The following CLSTN1 variants were observed in gnomAD, a reference collection of about 807,000 sequenced individuals.
The protein encoded by CLSTN1 is calsyntenin-1.
Under a neutral mutation model 108.3 loss-of-function variants are expected in CLSTN1, and 28 were observed. The observed-to-expected ratio is 0.26, with a 90% CI of 0.19 to 0.35. CLSTN1 has a LOEUF of 0.35. Ranked by LOEUF, CLSTN1 falls within the 10% of genes least tolerant of loss-of-function variation. The pLI is 1.00. For missense variants in CLSTN1, 1,157 were observed against 1,302.6 expected (o/e 0.89, Z 1.72); for synonymous variants, 524 against 534.9 (o/e 0.98, Z 0.28).
intron 11 of CLSTN1, 47 bp from the exon 12 acceptor site, chr1:9,736,089 T>TC: frequency 6.2e-7 from 1 of 1,611,312 alleles, no homozygotes; most frequent in South Asian, 1.1e-5. Context: ...CAACCCAGCA[T>TC]CGCCCAACTC....
In CLSTN1 at chr1:9,743,996, C is replaced by T. The variant is rs550602731; in HGVS notation, c.1244G>A (p.Arg415Gln). 6 of 1,613,738 alleles carry T rather than the reference C, an allele frequency of 3.7e-6. No homozygotes were observed. The highest frequency in any genetic ancestry group is 2.2e-5 in the South Asian group (2 of 91,024). Residue 415 changes from arginine to glutamine, a missense_variant, in exon 9 of 19, where the codon CGG (arginine) becomes CAG (glutamine). Arg to Gln is a conservative substitution (Grantham distance 43). Transcript: ENST00000377298. ...LCSSDKTDMN[R>Q]HHYSLYVHGC... is the part of the protein sequence containing the mutation. ...GTGGACATAGAGGGAGTAGTGGTGC[C>T]GATTCATATCTGCAAAGGCAGTTTC...
At chr1:9,758,011 G>GGT in intron 2 of CLSTN1, among the ~76,000 whole-genome samples, 1 of 151,890 alleles carries the variant, frequency 6.6e-6, no homozygotes, top group East Asian at 2.0e-4. Context: ...TTTTGGGGGG[G>GGT]GGTGGGAACG....
At position 9,735,829 on chromosome 1, in the gene CLSTN1, C is replaced by T. The variant is rs1415338499; in HGVS notation, c.1734+56G>A. 76 of 1,599,382 alleles carry T rather than the reference C, an allele frequency of 4.8e-5. 1 individual carries two copies. The Middle Eastern group carries it at 5.0e-4, about 10-fold the overall frequency. ...CTCACTCCCTCATCCCACCAGCCTCCGGGGCTGTAGTCTAAGGGGCCCATG... is the reference window on the plus strand; with the variant it reads ...CTCACTCCCTCATCCCACCAGCCTCTGGGGCTGTAGTCTAAGGGGCCCATG... On this transcript the variant is annotated intron_variant, in intron 12 of 18. Transcript: ENST00000377298.
At chr1:9,780,896 T>C (rs1653212038) in intron 1 of CLSTN1, 5 of 337,144 alleles carry the variant, frequency 1.5e-5, no homozygotes, top group South Asian at 5.5e-5. Flanking sequence ...CGGGAGACCA[T>C]GGACAGGATG....
intron 1 of CLSTN1, among the ~76,000 whole-genome samples, chr1:9,800,779 C>CA (rs1214237395): frequency 5.5e-5 from 8 of 145,676 alleles, no homozygotes; most frequent in South Asian, 2.2e-4. Context: ...AAAAAAAATA[C>CA]AAAAAAAATT....
chr1:9,774,076 T>G (rs1652824199), intron 1 of CLSTN1, among the ~76,000 whole-genome samples: 1 of 152,068 alleles, frequency 6.6e-6, no homozygotes, highest in Non-Finnish European at 1.5e-5. Context: ...TTTTCTCTGT[T>G]GCCAAGGCTG....
At chr1:9,749,709 C>T (rs1651460409) in intron 6 of CLSTN1, 55 bp downstream of exon 6, 13 of 1,610,976 alleles carry the variant, frequency 8.1e-6, no homozygotes, top group African/African-American at 1.3e-5. Context: ...AGGTTGCTGC[C>T]GCATACATCA....
At chr1:9,818,943 C>T (rs141351235) in intron 1 of CLSTN1, among the ~76,000 whole-genome samples, 1,287 of 125,818 alleles carry the variant, frequency 0.01, 19 homozygotes, top group East Asian at 0.056. Context: ...CCTGCCACCA[C>T]GCCTGGCTAA....
At chr1:9,760,919 A>C (rs1174938810) in intron 2 of CLSTN1, among the ~76,000 whole-genome samples, 1 of 151,286 alleles carries the variant, frequency 6.6e-6, no homozygotes, top group African/African-American at 2.4e-5. Context: ...CCTCTCTCAA[A>C]CTCAAACAAC....
chr1:9,735,351 T>C, intron 13 of CLSTN1, 116 bp downstream of exon 13: 1 of 1,474,034 alleles, frequency 6.8e-7, no homozygotes, highest in South Asian at 1.2e-5. Context: ...CCCCACACTT[T>C]CTGGTTACAC....
chr1:9,764,535 G>T (rs984439928), intron 2 of CLSTN1, among the ~76,000 whole-genome samples: 1 of 151,714 alleles, frequency 6.6e-6, no homozygotes, highest in Non-Finnish European at 1.5e-5. Flanking sequence ...TACTCGGAAG[G>T]CTGAGGTGGG....
chr1:9,779,754 A>C (rs981911404), intron 1 of CLSTN1, among the ~76,000 whole-genome samples: 10 of 151,982 alleles, frequency 6.6e-5, no homozygotes, highest in African/African-American at 9.7e-5. Context: ...AAACCATGCT[A>C]TGATGTAGGC....
chr1:9,787,655 G>C (rs1653559462), intron 1 of CLSTN1, among the ~76,000 whole-genome samples: 1 of 150,976 alleles, frequency 6.6e-6, no homozygotes, highest in Non-Finnish European at 1.5e-5. Flanking sequence ...ACCTGCCTTG[G>C]CCTCCCAAAG....
intron 2 of CLSTN1, 40 bp downstream of exon 2, chr1:9,773,232 G>A (rs1210770027): frequency 6.2e-7 from 1 of 1,612,226 alleles, no homozygotes; most frequent in South Asian, 1.1e-5. Flanking sequence ...TTCCTGACCA[G>A]GCCCGATTCA....
chr1:9,762,724 G>A (rs930650822), intron 2 of CLSTN1, among the ~76,000 whole-genome samples: 9 of 147,230 alleles, frequency 6.1e-5, no homozygotes, highest in East Asian at 4.0e-4. Flanking sequence ...CTTGGTGCCC[G>A]CACTCAACGG....
In CLSTN1 at chr1:9,773,306, G is replaced by T; in HGVS notation, c.180C>A (p.Ile60=). 6.2e-7 allele frequency: 1 copy of T among 1,614,088 alleles called. No individual in the cohort carries two copies. Among genetic ancestry groups the T allele is most frequent in the Non-Finnish European group, 8.5e-7 (1 of 1,179,994 alleles). Residue 60 remains isoleucine, a synonymous_variant, in exon 2 of 19, where the codon ATC becomes ATA. Transcript: ENST00000377298. Reference sequence around the variant, plus strand: ...GCAGAGGCGCATCTTTATCCAGCGCGATCAGTGGGGGGTCGAGGAGCACGG... The same window carrying T: ...GCAGAGGCGCATCTTTATCCAGCGCTATCAGTGGGGGGTCGAGGAGCACGG... ...DNTVLLDPPL[I]ALDKDAPLRF...
intron 2 of CLSTN1, among the ~76,000 whole-genome samples, chr1:9,771,459 C>T (rs1407952473): frequency 1.3e-4 from 20 of 152,012 alleles, no homozygotes; most frequent in Admixed American, 1.2e-3. Context: ...ACTAAAAATA[C>T]AAAAATTAGC....
At chr1:9,745,700 T>G (rs1472770666) in intron 7 of CLSTN1, among the ~76,000 whole-genome samples, 1 of 151,538 alleles carries the variant, frequency 6.6e-6, no homozygotes, top group Non-Finnish European at 1.5e-5. Flanking sequence ...GCTATGTATG[T>G]GCATAATACA....
Position 9,741,146 on chromosome 1 carries a change from C to G in CLSTN1, c.1467G>C (p.Pro489=). The change falls in exon 10 of 19, where the codon CCG becomes CCC. Residue 489 remains proline, a synonymous_variant. Coordinates refer to ENST00000377298, the MANE Select transcript of CLSTN1 (RefSeq NM_001009566.3). ...HEPFSVTEDY[P]LHPSKIETQL... is the part of the protein sequence containing the mutation. ...GAGTTTCTATCTTGGATGGATGGAG[C>G]GGGTAATCCTCAGTCACAGAGAAGG... The G allele has an allele frequency of 5.0e-6, 8 of 1,614,068 alleles. No homozygotes were observed. Among genetic ancestry groups the G allele is most frequent in the Non-Finnish European group, 6.8e-6 (8 of 1,179,978 alleles).
Sources: allele counts gnomAD v4.1 joint callset (sites outside exome capture counted in the v4.1 genomes callset), GRCh38; gene constraint gnomAD v4.1.1; transcripts MANE v1.5; gene names NCBI Gene and HGNC (gene_info 2026-07-23, HGNC 2026-07-21).